Variants in HES3 observed in about 807,000 individuals in gnomAD.
HES3 encodes hes family bHLH transcription factor 3.
A neutral mutation model predicts 8.0 loss-of-function variants in HES3; 6 were observed. That is an observed-to-expected ratio of 0.75 (90% CI 0.41 to 1.49). HES3 has a LOEUF of 1.49. Among genes scored for constraint, HES3 ranks in the 40% most tolerant of loss-of-function variants. The pLI, the probability that HES3 is intolerant of heterozygous loss-of-function variation, is 0.01. For synonymous variants in HES3, 121 were observed against 119.4 expected, an observed-to-expected ratio of 1.01 and a Z score of -0.09; for missense variants, 266 against 260.9, an observed-to-expected ratio of 1.02 and a Z score of -0.13.
chr1:6,244,273 C>T, intron 1 of HES3, 32 bp downstream of exon 1: 1 of 1,208,734 alleles, frequency 8.3e-7, no homozygotes, highest in Non-Finnish European at 1.2e-6. Flanking sequence ...GGGGCAGGCA[C>T]CCTTCCCCGG....
intron 2 of HES3, 38 bp downstream of exon 2, chr1:6,244,484 G>T (rs775763703): frequency 6.2e-7 from 1 of 1,610,290 alleles, no homozygotes; most frequent in East Asian, 2.2e-5. Context: ...TGGGTGATAC[G>T]ATCCCAACCT....
At chr1:6,245,030 CTTCCCCTCCTCT>C in intron 3 of HES3, 68 bp from the exon 4 acceptor site, 3 of 382,350 alleles carry the variant, frequency 7.8e-6, no homozygotes, top group South Asian at 5.8e-5. Context: ...CTCCCTCCCC[CTTCCCCTCCTCT>C]CCCTCCCCCT....
intron 2 of HES3, 32 bp downstream of exon 2, chr1:6,244,478 T>G (rs1571232482): frequency 6.7e-5 from 56 of 839,750 alleles, no homozygotes; most frequent in Non-Finnish European, 8.9e-5. Context: ...GGTGGGTGGG[T>G]GATACGATCC....
rs1320138396 is a variant in HES3 at position 6,245,409 on chromosome 1, C to A, written c.463C>A (p.Pro155Thr). ...TCTCCCTGGCTCGTCCGCCAGCGTCCCCCCGCCGCAGCCAGCGTCGAGTCG... is the reference window on the plus strand; with the variant it reads ...TCTCCCTGGCTCGTCCGCCAGCGTCACCCCGCCGCAGCCAGCGTCGAGTCG... ...ESLPGSSASV[P>T]PPQPASSRCA... is the part of the protein sequence containing the mutation. Residue 155 changes from proline to threonine, a missense_variant, in exon 4 of 4, where the codon CCC (proline) becomes ACC (threonine). By Grantham distance (38) the Pro-to-Thr change is conservative. Coordinates refer to ENST00000377898, the MANE Select transcript of HES3 (RefSeq NM_001024598.4). The A allele has an allele frequency of 1.3e-6, 2 of 1,542,092 alleles. No individual in the cohort carries two copies. Among genetic ancestry groups the A allele is most frequent in the Non-Finnish European group, 8.7e-7 (1 of 1,153,880 alleles).
intron 3 of HES3, 138 bp downstream of exon 3, chr1:6,244,767 C>G: frequency 1.3e-6 from 1 of 788,044 alleles, no homozygotes; most frequent in South Asian, 1.6e-5. Flanking sequence ...CATGGCAAGA[C>G]AGCAAATATA....
Position 6,244,190 on chromosome 1 carries a change from C to T in HES3, c.-67C>T, listed in dbSNP as rs554632404. ...CCTCGCACTGGTGCATGGACTGCAA[C>T]ATGGGCACGGAGCCTGCTGCCCGGG... On this transcript the variant is annotated 5_prime_UTR_variant, in exon 1 of 4. Coordinates refer to ENST00000377898, the MANE Select transcript of HES3 (RefSeq NM_001024598.4). 447 of 629,020 alleles carry T rather than the reference C, an allele frequency of 7.1e-4. No individual in the cohort carries two copies. The highest frequency in any genetic ancestry group is 1.1e-3 in the Non-Finnish European group (402 of 350,730). The allele number at this position is 629,020 out of a possible 1,614,324, so 39.0% of individuals were successfully genotyped here.
chr1:6,245,284 C>T lies in HES3; in HGVS notation c.338C>T (p.Ala113Val), dbSNP rs1208301128. The T allele has an allele frequency of 1.3e-6, 2 of 1,494,534 alleles. No homozygotes were observed. The highest frequency in any genetic ancestry group is 1.5e-5 in the African/African-American group (1 of 68,502). The allele number at this position is 1,494,534 out of a possible 1,614,324, so 92.6% of individuals were successfully genotyped here. The change falls in exon 4 of 4, where the codon GCG becomes GTG. Residue 113 changes from alanine (A) to valine (V), a missense_variant. Coordinates refer to ENST00000377898, the MANE Select transcript of HES3 (RefSeq NM_001024598.4). ...TMDSAGLGQE[A>V]PALFRPCTPA... ...GACAGCGCCGGGTTGGGCCAGGAGG[C>T]GCCCGCGCTGTTCCGCCCTTGCACC...
Position 6,245,468 on chromosome 1 carries a change from G to A in HES3, c.522G>A (p.Val174=), listed in dbSNP as rs1038031784. 4 of 1,522,840 alleles carry A rather than the reference G, an allele frequency of 2.6e-6. No homozygotes were observed. The African/African-American group carries it at 4.3e-5, about 16-fold the overall frequency. 94.3% of individuals were successfully genotyped at this position (1,522,840 alleles called of 1,614,324 possible). A position where few individuals can be genotyped will look rare whatever the true frequency, so the allele number is the denominator to read the frequency against. ...CAESPGLGLR[V]WRPWGSPGDD... The stretch of plus-strand genomic sequence containing the variant: ...AGAGTCCCGGGCTGGGCCTGCGCGT[G>A]TGGCGGCCCTGGGGAAGCCCCGGGG... The change falls in exon 4 of 4, where the codon GTG becomes GTA. Residue 174 remains valine (V), a synonymous_variant. Transcript: ENST00000377898.
In HES3 at chr1:6,245,420, G is replaced by A. The variant is rs753625511; in HGVS notation, c.474G>A (p.Gln158=). The A allele has an allele frequency of 6.4e-7, 1 of 1,551,796 alleles. No homozygotes were observed. The highest frequency in any genetic ancestry group is 8.6e-7 in the Non-Finnish European group (1 of 1,159,360). ...CGTCCGCCAGCGTCCCCCCGCCGCA[G>A]CCAGCGTCGAGTCGCTGCGCCGAGA... ...PGSSASVPPP[Q]PASSRCAESP... The change falls in exon 4 of 4, where the codon CAG becomes CAA. Residue 158 remains glutamine, a synonymous_variant. Transcript: ENST00000377898.
chr1:6,245,423 A>G lies in HES3; in HGVS notation c.477A>G (p.Pro159=). The change falls in exon 4 of 4, where the codon CCA becomes CCG. Residue 159 remains proline (P), a synonymous_variant. Coordinates refer to ENST00000377898, the MANE Select transcript of HES3 (RefSeq NM_001024598.4). ...GSSASVPPPQ[P]ASSRCAESPG... ...CCGCCAGCGTCCCCCCGCCGCAGCC[A>G]GCGTCGAGTCGCTGCGCCGAGAGTC... 1.3e-6 allele frequency: 2 copies of G among 1,552,960 alleles called. No homozygotes were observed. Among genetic ancestry groups the G allele is most frequent in the Non-Finnish European group, 1.7e-6 (2 of 1,160,276 alleles).
rs1359676423 is a variant in HES3, at chr1:6,245,222, C to A, written c.276C>A (p.Cys92Ter). The change falls in exon 4 of 4, where the codon TGC becomes TGA. Residue 92 changes from cysteine to a stop codon, truncating the protein, a stop_gained. Coordinates refer to ENST00000377898, the MANE Select transcript of HES3 (RefSeq NM_001024598.4). LOFTEE classifies it low-confidence loss of function (END_TRUNC). ...ATGAGGTCGGCAGCGGCCTGCGCTG[C>A]CCCCTGGTGCCCGAGAGCGCCGCCG... is the stretch of plus-strand genomic sequence containing the variant. ...RGDEVGSGLR[C>*]PLVPESAAGS... 3 of 1,522,506 alleles carry A rather than the reference C, an allele frequency of 2.0e-6. No homozygotes were observed. The highest frequency in any genetic ancestry group is 2.6e-6 in the Non-Finnish European group (3 of 1,141,022). The allele number at this position is 1,522,506 out of a possible 1,614,324, so 94.3% of individuals were successfully genotyped here.
At position 6,244,602 on chromosome 1, in the gene HES3, A is replaced by C; in HGVS notation, c.136A>C (p.Met46Leu). Reference protein sequence around the residue: ...ADILELSVKYMRSLQNSLQGL... With the variant: ...ADILELSVKYLRSLQNSLQGL... ...CATCCTGGAGTTGAGCGTGAAGTAC[A>C]TGAGAAGCCTTCAGAACTCCTTGCA... The change falls in exon 3 of 4, where the codon ATG (methionine) becomes CTG (leucine). Residue 46 changes from methionine (M) to leucine (L), a missense_variant. Met to Leu is a conservative substitution (Grantham distance 15, BLOSUM62 2). Coordinates refer to ENST00000377898, the MANE Select transcript of HES3 (RefSeq NM_001024598.4). 1 of 1,613,858 alleles carries C rather than the reference A, an allele frequency of 6.2e-7. No homozygotes were observed.
At chr1:6,245,036 C>T in intron 3 of HES3, 74 bp from the exon 4 acceptor site, 1 of 347,602 alleles carries the variant, frequency 2.9e-6, no homozygotes, top group South Asian at 2.8e-5. Flanking sequence ...CCCCCTTCCC[C>T]TCCTCTCCCT....
In HES3 at chr1:6,245,144, G is replaced by A. The variant is rs1423258272; in HGVS notation, c.198G>A (p.Pro66=). The A allele has an allele frequency of 1.3e-6, 2 of 1,529,110 alleles. No homozygotes were observed. The highest frequency in any genetic ancestry group is 2.0e-5 in the Admixed American group (1 of 50,676). 94.7% of individuals were successfully genotyped at this position (1,529,110 alleles called of 1,614,324 possible). A position where few individuals can be genotyped will look rare whatever the true frequency, so the allele number is the denominator to read the frequency against. The change falls in exon 4 of 4, where the codon CCG becomes CCA. Residue 66 remains proline (P), a synonymous_variant. Coordinates refer to ENST00000377898, the MANE Select transcript of HES3 (RefSeq NM_001024598.4). ...CTGTGCCCAGGGGAGCCGAGCAACC[G>A]TCGGGCTTCCGCAGCTGCCTGCCCG... ...LWPVPRGAEQ[P]SGFRSCLPGV... is the part of the protein sequence containing the mutation.
In HES3 at chr1:6,245,280, G is replaced by A; in HGVS notation, c.334G>A (p.Glu112Lys). 1 of 1,495,640 alleles carries A rather than the reference G, an allele frequency of 6.7e-7. No individual in the cohort carries two copies. Among genetic ancestry groups the A allele is most frequent in the Non-Finnish European group, 8.8e-7 (1 of 1,131,580 alleles). The allele number at this position is 1,495,640 out of a possible 1,614,324, so 92.6% of individuals were successfully genotyped here. A position where few individuals can be genotyped will look rare whatever the true frequency, so the allele number is the denominator to read the frequency against. ...STMDSAGLGQ[E>K]APALFRPCTP... is the part of the protein sequence containing the mutation. Reference sequence around the variant, plus strand: ...CATGGACAGCGCCGGGTTGGGCCAGGAGGCGCCCGCGCTGTTCCGCCCTTG... The same window carrying A: ...CATGGACAGCGCCGGGTTGGGCCAGAAGGCGCCCGCGCTGTTCCGCCCTTG... Residue 112 changes from glutamate (E) to lysine (K), a missense_variant, in exon 4 of 4, where the codon GAG (glutamate) becomes AAG (lysine). Transcript: ENST00000377898.
rs1638252239 is a variant in HES3, at chr1:6,244,205, T to A, written c.-52T>A. 9 of 653,844 alleles carry A rather than the reference T, an allele frequency of 1.4e-5. No individual in the cohort carries two copies. Among genetic ancestry groups the A allele is most frequent in the African/African-American group, 3.6e-5 (2 of 55,098 alleles). 40.5% of individuals were successfully genotyped at this position (653,844 alleles called of 1,614,324 possible). A position where few individuals can be genotyped will look rare whatever the true frequency, so the allele number is the denominator to read the frequency against. ...TGGACTGCAACATGGGCACGGAGCC[T>A]GCTGCCCGGGGCAGCCTCCCCGGCA... On this transcript the variant is annotated 5_prime_UTR_variant, in exon 1 of 4. Coordinates refer to ENST00000377898, the MANE Select transcript of HES3 (RefSeq NM_001024598.4).
Position 6,245,453 on chromosome 1 carries a change from G to C in HES3, c.507G>C (p.Gly169=), listed in dbSNP as rs781191032. The C allele has an allele frequency of 1.3e-6, 2 of 1,537,210 alleles. No homozygotes were observed. The highest frequency in any genetic ancestry group is 1.7e-6 in the Non-Finnish European group (2 of 1,155,432). Residue 169 remains glycine, a synonymous_variant, in exon 4 of 4, where the codon GGG becomes GGC. Transcript: ENST00000377898. ...PASSRCAESP[G]LGLRVWRPWG... ...CGAGTCGCTGCGCCGAGAGTCCCGGGCTGGGCCTGCGCGTGTGGCGGCCCT... is the reference window on the plus strand; with the variant it reads ...CGAGTCGCTGCGCCGAGAGTCCCGGCCTGGGCCTGCGCGTGTGGCGGCCCT...
At chr1:6,245,008 T>TCCTCCCCCCCCCCC in intron 3 of HES3, 102 bp from the exon 4 acceptor site, 2 of 225,136 alleles carry the variant, frequency 8.9e-6, no homozygotes, top group South Asian at 4.1e-5. Context: ...CTCCCTCCCT[T>TCCTCCCCCCCCCCC]CCTCCCCTCC....
In HES3 at chr1:6,245,349, C is replaced by G; in HGVS notation, c.403C>G (p.Arg135Gly). 6 of 1,501,492 alleles carry G rather than the reference C, an allele frequency of 4.0e-6. No individual in the cohort carries two copies. Among genetic ancestry groups the G allele is most frequent in the Non-Finnish European group, 5.3e-6 (6 of 1,133,380 alleles). 93.0% of individuals were successfully genotyped at this position (1,501,492 alleles called of 1,614,324 possible). A position where few individuals can be genotyped will look rare whatever the true frequency, so the allele number is the denominator to read the frequency against. ...TCCTGCTCCGGCCGCCGGCGGCCCG[C>G]GGTCCCCACCACCCCTGCTCCTCCT... The part of the protein sequence containing the change: ...WAPAPAAGGP[R>G]SPPPLLLLPE... The change falls in exon 4 of 4, where the codon CGG becomes GGG. Residue 135 changes from arginine (R) to glycine (G), a missense_variant. Transcript: ENST00000377898.
Sources: gnomAD v4.1 joint callset for allele counts on GRCh38, gnomAD v4.1.1 for gene constraint, MANE v1.5 for transcripts, NCBI Gene and HGNC (gene_info 2026-07-23, HGNC 2026-07-21) for gene names.